The following MYCBPAP variants were observed in gnomAD, a reference collection of about 807,000 sequenced individuals.
MYCBPAP encodes the protein MYCBP-associated protein.
MYCBPAP carries 60 observed loss-of-function variants against 106.1 expected under a neutral mutation model. The ratio of observed to expected loss-of-function variants is 0.57; its 90% CI spans 0.46 to 0.70. The LOEUF is 0.70. MYCBPAP is among the 30% of genes least tolerant of loss of function. The probability of loss-of-function intolerance (pLI) is 0.00; values close to 1 mark genes in which losing one functional copy is unlikely to be tolerated. For missense variants in MYCBPAP, 1,064 were observed against 1,169.3 expected (o/e 0.91, Z 1.31); for synonymous variants, 407 against 440.6 (o/e 0.92, Z 0.95).
intron 18 of MYCBPAP, chr17:50,529,808 G>T (rs1377837933): frequency 2.2e-6 from 1 of 456,646 alleles, no homozygotes. Flanking sequence ...ACCATGCAGG[G>T]TGCATTCCCA....
At chr17:50,508,431 G>C, upstream of MYCBPAP, 1 of 1,001,194 alleles carries the variant, frequency 1.0e-6, no homozygotes, top group Non-Finnish European at 1.4e-6. Context: ...GTCACAGGCC[G>C]GGCCCGCAGG....
intron 1 of MYCBPAP, chr17:50,509,576 T>TG (rs2033749448): frequency 2.6e-5 from 3 of 114,836 alleles, no homozygotes; most frequent in South Asian, 5.5e-4. Context: ...GTGTGTGTGT[T>TG]TGTAAACAGG....
At chr17:50,521,912 G>A in intron 9 of MYCBPAP, 61 bp from the exon 10 acceptor site, 1 of 1,494,150 alleles carries the variant, frequency 6.7e-7, no homozygotes, top group Non-Finnish European at 9.3e-7. Flanking sequence ...GTTTCTGTGG[G>A]GTTCCACATG....
upstream of MYCBPAP, chr17:50,508,337 A>T: frequency 2.2e-6 from 1 of 464,732 alleles, no homozygotes. Context: ...CGGCTCCCGC[A>T]ACTCGCGGGG....
rs1567892097 is a variant in MYCBPAP at position 50,523,660 on chromosome 17, T to C, written c.1511T>C (p.Val504Ala). ...TFFFKSLTAGVFREFWEFRTH... is the reference protein window; with the variant it reads ...TFFFKSLTAGAFREFWEFRTH... ...TTCTTCAAGTCTTTGACTGCTGGGG[T>C]CTTCAGGGAATTTTGGGAGTTTCGA... The change falls in exon 12 of 19, where the codon GTC becomes GCC. Residue 504 changes from valine to alanine, a missense_variant. Physicochemically the swap from Val to Ala is moderately conservative, Grantham distance 64. Coordinates refer to ENST00000323776, the MANE Select transcript of MYCBPAP (RefSeq NM_032133.6). The C allele has an allele frequency of 6.2e-7, 1 of 1,614,166 alleles. No individual in the cohort carries two copies. Among genetic ancestry groups the C allele is most frequent in the Non-Finnish European group, 8.5e-7 (1 of 1,180,034 alleles).
chr17:50,508,477 C>T lies in MYCBPAP; in HGVS notation c.-198C>T. On this transcript the variant is annotated 5_prime_UTR_variant, in exon 1 of 19. Coordinates refer to ENST00000323776, the MANE Select transcript of MYCBPAP (RefSeq NM_032133.6). ...GGTCCGTCGCTCTTGAAGCCGCCGG[C>T]GGCGGGCGCGTGCGCGGCCCGATGA... The T allele has an allele frequency of 3.4e-6, 5 of 1,452,244 alleles. No individual in the cohort carries two copies. The highest frequency in any genetic ancestry group is 4.6e-6 in the Non-Finnish European group (5 of 1,085,282). 90.0% of individuals were successfully genotyped at this position (1,452,244 alleles called of 1,614,324 possible).
At chr17:50,524,638 G>T (rs1239646462) in intron 12 of MYCBPAP, among the ~76,000 whole-genome samples, 1 of 151,904 alleles carries the variant, frequency 6.6e-6, no homozygotes, top group East Asian at 1.9e-4. Context: ...GCCCTCCTCT[G>T]GATCCTTTTC....
chr17:50,528,560 T>A, intron 16 of MYCBPAP, 135 bp from the exon 17 acceptor site: 1 of 1,186,052 alleles, frequency 8.4e-7, no homozygotes, highest in Non-Finnish European at 1.2e-6. Context: ...TCCTGTTTCA[T>A]GAAGCCACGC....
rs2034361904 is a variant in MYCBPAP at position 50,523,759 on chromosome 17, T to C, written c.1610T>C (p.Phe537Ser). 6.2e-7 allele frequency: 1 copy of C among 1,614,088 alleles called. No individual in the cohort carries two copies. Among genetic ancestry groups the C allele is most frequent in the South Asian group, 1.1e-5 (1 of 91,078 alleles). Residue 537 changes from phenylalanine to serine, a missense_variant, in exon 12 of 19, where the codon TTT becomes TCT. Transcript: ENST00000323776. ...GCGGTCTCCCTGACCCAGGACGTTT[T>C]TGAGGATGAGAGGAAAGTACTGGAG... ...LHAVSLTQDVFEDERKVLESK... is the reference protein window; with the variant it reads ...LHAVSLTQDVSEDERKVLESK...
At chr17:50,522,166 A>T (rs1461387295) in intron 10 of MYCBPAP, 85 bp downstream of exon 10, 1 of 1,098,108 alleles carries the variant, frequency 9.1e-7, no homozygotes, top group Non-Finnish European at 1.4e-6. Context: ...AGCAGCCTGC[A>T]CAGTCTCCTG....
rs747694228 is a variant in MYCBPAP at position 50,529,044 on chromosome 17, G to A, written c.2580G>A (p.Lys860=). ...KEDRPNSKKH[K]AKDDKKVIKS... is the part of the protein sequence containing the mutation. ...ACCGTCCCAACAGCAAGAAGCACAAGGCAAAGGATGACAAGAAAGTCATAA... is the reference window on the plus strand; with the variant it reads ...ACCGTCCCAACAGCAAGAAGCACAAAGCAAAGGATGACAAGAAAGTCATAA... Residue 860 remains lysine (K), a synonymous_variant, in exon 18 of 19, where the codon AAG becomes AAA. Coordinates refer to ENST00000323776, the MANE Select transcript of MYCBPAP (RefSeq NM_032133.6). 26 of 1,614,030 alleles carry A rather than the reference G, an allele frequency of 1.6e-5. No individual in the cohort carries two copies. The highest frequency in any genetic ancestry group is 2.1e-5 in the Non-Finnish European group (25 of 1,180,024).
intron 18 of MYCBPAP, chr17:50,529,955 C>A: frequency 2.3e-6 from 1 of 427,612 alleles, no homozygotes; most frequent in Non-Finnish European, 4.8e-6. Context: ...GTCCACAAAG[C>A]CATTTTCAAT....
chr17:50,507,908 G>A (rs1010146729), upstream of MYCBPAP, among the ~76,000 whole-genome samples: 1 of 152,168 alleles, frequency 6.6e-6, no homozygotes, highest in Non-Finnish European at 1.5e-5. Context: ...AAAAGCGGGT[G>A]CGTTTATAAA....
chr17:50,522,709 A>AATATATATATATATATATATAT (rs1555620747), intron 10 of MYCBPAP: 1 of 50,016 alleles, frequency 2.0e-5, no homozygotes, highest in African/African-American at 1.2e-4. Context: ...AAAAAAAAAA[A>AATATATATATATATATATATAT]ATATATATAT....
chr17:50,531,258 C>A, intron 18 of MYCBPAP, 69 bp from the exon 19 acceptor site: 5 of 935,146 alleles, frequency 5.3e-6, no homozygotes, highest in Non-Finnish European at 7.9e-6. Flanking sequence ...TATTCTCTCA[C>A]AGCATAGTTC....
chr17:50,519,256 T>C (rs2034169587), intron 6 of MYCBPAP, among the ~76,000 whole-genome samples, 167 bp downstream of exon 6: 1 of 152,182 alleles, frequency 6.6e-6, no homozygotes, highest in East Asian at 1.9e-4. Context: ...CTAAATTATA[T>C]GATTAGTCAG....
At position 50,519,711 on chromosome 17, in the gene MYCBPAP, C is replaced by G; in HGVS notation, c.840C>G (p.Thr280=). 6.2e-7 allele frequency: 1 copy of G among 1,614,058 alleles called. No individual in the cohort carries two copies. ...ATGAGATGACAGGTCTGGTCATGACCAAGACAAAAACTCAGCGTGGCCTCA... is the reference window on the plus strand; with the variant it reads ...ATGAGATGACAGGTCTGGTCATGACGAAGACAAAAACTCAGCGTGGCCTCA... The part of the protein sequence containing the change: ...LGDEMTGLVM[T]KTKTQRGLME... Residue 280 remains threonine, a synonymous_variant, in exon 7 of 19, where the codon ACC becomes ACG. Coordinates refer to ENST00000323776, the MANE Select transcript of MYCBPAP (RefSeq NM_032133.6).
intron 1 of MYCBPAP, among the ~76,000 whole-genome samples, chr17:50,516,313 C>G (rs538485402): frequency 1.8e-4 from 27 of 152,234 alleles, no homozygotes; most frequent in African/African-American, 6.3e-4. Flanking sequence ...CTTCTGATCT[C>G]AATTCTGGCT....
intron 7 of MYCBPAP, among the ~76,000 whole-genome samples, chr17:50,520,627 G>T (rs2034224979): frequency 6.6e-6 from 1 of 152,090 alleles, no homozygotes. Flanking sequence ...GACACGTGTG[G>T]CTTGTGCTTG....
Sources: allele counts gnomAD v4.1 joint callset (sites outside exome capture counted in the v4.1 genomes callset), GRCh38; gene constraint gnomAD v4.1.1; transcripts MANE v1.5; gene names NCBI Gene and HGNC (gene_info 2026-07-23, HGNC 2026-07-21).